PHF14: variants seen among roughly 807,000 people sequenced by gnomAD.
PHF14 encodes PHD finger protein 14.
Under a neutral mutation model 117.9 loss-of-function variants are expected in PHF14, and 55 were observed. The ratio of observed to expected loss-of-function variants is 0.47; its 90% confidence interval spans 0.38 to 0.58. The LOEUF (loss-of-function observed/expected upper bound fraction) is 0.58, where lower values mean the gene tolerates loss of function less well. Ranked by LOEUF, PHF14 falls within the 20% of genes least tolerant of loss-of-function variation. PHF14 has a pLI of 0.00. For missense variants in PHF14, 978 were observed against 1,122.2 expected (o/e 0.87, Z 1.84); for synonymous variants, 409 against 368.6 (o/e 1.11, Z -1.26).
At chr7:11,080,287 A>G (rs28378773) in intron 16 of PHF14, among the ~76,000 whole-genome samples, 59 of 152,176 alleles carry the variant, frequency 3.9e-4, no homozygotes, top group African/African-American at 1.3e-3. Flanking sequence ...AAAACTTGAT[A>G]ACTTATATTA....
chr7:11,001,598 C>T (rs1247194363), intron 4 of PHF14, among the ~76,000 whole-genome samples: 1 of 46,626 alleles, frequency 2.1e-5, no homozygotes, highest in Non-Finnish European at 5.0e-5. Flanking sequence ...TCATAGAGAT[C>T]TTGGCAATAT....
chr7:11,073,979 A>G (rs528484000), intron 16 of PHF14, among the ~76,000 whole-genome samples: 1 of 152,244 alleles, frequency 6.6e-6, no homozygotes, highest in South Asian at 2.1e-4. Flanking sequence ...GAGGCTGAGC[A>G]AGGAAGCAGA....
In PHF14 at chr7:11,009,489, A is replaced by G. The variant is rs568378495; in HGVS notation, c.1046-4258A>G. Among the ~76,000 whole-genome samples, 34 of 131,862 alleles carry G rather than the reference A, an allele frequency of 2.6e-4. No homozygotes were observed. In the South Asian group the frequency reaches 3.2e-3, roughly 12 times the overall value. The allele number at this position is 131,862 out of a possible 152,430, so 86.5% of individuals were successfully genotyped here. ...CCCATTGGAAACACACTGAGCACAT[A>G]TGAGTTTTATGTGTTTATACATTGT... On this transcript the variant is annotated intron_variant, in intron 4 of 17. Transcript: ENST00000634607.
At chr7:10,986,556 C>T (rs1308895819) in intron 3 of PHF14, among the ~76,000 whole-genome samples, 2 of 152,208 alleles carry the variant, frequency 1.3e-5, no homozygotes, top group Admixed American at 6.5e-5. Context: ...TGCTCTAGAA[C>T]TGGGCATTAG....
intron 16 of PHF14, chr7:11,103,238 TAAAG>T: frequency 2.2e-6 from 2 of 911,006 alleles, no homozygotes; most frequent in Non-Finnish European, 2.6e-6. Flanking sequence ...AGCTCATGAA[TAAAG>T]ATATATCTGT....
At chr7:11,080,074 A>G (rs1253366360) in intron 16 of PHF14, among the ~76,000 whole-genome samples, 1 of 152,184 alleles carries the variant, frequency 6.6e-6, no homozygotes, top group Non-Finnish European at 1.5e-5. Flanking sequence ...AATGAATGTC[A>G]TAAAGTTATT....
chr7:11,151,238 T>C (rs1788695040), intron 17 of PHF14, among the ~76,000 whole-genome samples: 1 of 152,164 alleles, frequency 6.6e-6, no homozygotes. Flanking sequence ...CTTCTGTGTA[T>C]TTTCTCATTT....
chr7:10,994,894 G>A (rs1024980658), intron 4 of PHF14, among the ~76,000 whole-genome samples: 1 of 152,178 alleles, frequency 6.6e-6, no homozygotes, highest in East Asian at 1.9e-4. Flanking sequence ...AGCTTCCACA[G>A]TGTGGAAGGG....
At chr7:10,993,540 G>A (rs938603498) in intron 4 of PHF14, among the ~76,000 whole-genome samples, 1 of 152,206 alleles carries the variant, frequency 6.6e-6, no homozygotes, top group Non-Finnish European at 1.5e-5. Flanking sequence ...GAAATAGAAT[G>A]TACACATTGT....
intron 2 of PHF14, among the ~76,000 whole-genome samples, chr7:10,982,050 A>G (rs1459844674): frequency 6.6e-6 from 1 of 152,240 alleles, no homozygotes; most frequent in Non-Finnish European, 1.5e-5. Flanking sequence ...AAGCACATTT[A>G]CTTTAAAAAA....
chr7:11,034,902 A>T (rs540923613), intron 7 of PHF14, among the ~76,000 whole-genome samples: 1 of 152,190 alleles, frequency 6.6e-6, no homozygotes, highest in South Asian at 2.1e-4. Flanking sequence ...CCAGTTAGAA[A>T]TGCCACACTT....
chr7:11,092,988 T>C (rs1371451960), intron 16 of PHF14, among the ~76,000 whole-genome samples: 2 of 152,204 alleles, frequency 1.3e-5, no homozygotes, highest in Admixed American at 6.5e-5. Flanking sequence ...TTGTCTGTTG[T>C]CTCCCTGAGA....
chr7:10,990,278 AAGCTCCTAAAGTGTAAG>A (rs1362068704), intron 3 of PHF14, among the ~76,000 whole-genome samples: 1 of 152,202 alleles, frequency 6.6e-6, no homozygotes, highest in Non-Finnish European at 1.5e-5. Flanking sequence ...GTAGGATTAT[AAGCTCCTAAAGTGTAAG>A]AATCATGTCT....
At chr7:11,119,812 C>T (rs573559278) in intron 17 of PHF14, among the ~76,000 whole-genome samples, 39 of 151,834 alleles carry the variant, frequency 2.6e-4, no homozygotes, top group Middle Eastern at 3.4e-3. Flanking sequence ...CAAGAAAATT[C>T]GAAAAATGAA....
intron 16 of PHF14, among the ~76,000 whole-genome samples, chr7:11,093,381 A>G (rs1786720176): frequency 6.6e-6 from 1 of 152,140 alleles, no homozygotes; most frequent in Non-Finnish European, 1.5e-5. Context: ...GGCTGTTAGT[A>G]TGGGGGAGTT....
intron 4 of PHF14, among the ~76,000 whole-genome samples, chr7:10,991,759 ATTTTTTT>A (rs71023881): frequency 9.0e-6 from 1 of 111,044 alleles, no homozygotes; most frequent in African/African-American, 3.6e-5. Flanking sequence ...TAATTTTTTA[ATTTTTTT>A]TTTTTTTTTT....
chr7:11,111,882 G>C (rs1391144139), intron 17 of PHF14, among the ~76,000 whole-genome samples: 1 of 140,150 alleles, frequency 7.1e-6, no homozygotes, highest in Non-Finnish European at 1.5e-5. Context: ...ATAATATATT[G>C]TAATATCTTA....
chr7:11,049,453 C>T (rs1023361993), intron 13 of PHF14, among the ~76,000 whole-genome samples: 2 of 139,394 alleles, frequency 1.4e-5, no homozygotes, highest in Non-Finnish European at 3.0e-5. Flanking sequence ...CCAGCCTGGG[C>T]GACTTAGCAA....
chr7:11,109,590 A>C (rs1787376095), intron 16 of PHF14: 1 of 151,890 alleles, frequency 6.6e-6, no homozygotes, highest in Admixed American at 6.6e-5. Flanking sequence ...CCATAGGTTT[A>C]ATCGAAATTT....
Sources: allele counts gnomAD v4.1 joint callset (sites outside exome capture counted in the v4.1 genomes callset), GRCh38; gene constraint gnomAD v4.1.1; transcripts MANE v1.5; gene names NCBI Gene and HGNC (gene_info 2026-07-23, HGNC 2026-07-21).